Variants in ADAMTSL1 observed in about 807,000 individuals in gnomAD.
The protein encoded by ADAMTSL1 is ADAMTS like 1.
In ADAMTSL1, 126 loss-of-function variants were observed where a neutral mutation model predicts 201.8. That is an observed-to-expected ratio of 0.62 (90% CI 0.54 to 0.72). ADAMTSL1 has a LOEUF of 0.72. Ranked by LOEUF, ADAMTSL1 falls within the 30% of genes least tolerant of loss-of-function variation. ADAMTSL1 has a pLI of 0.00. For synonymous variants in ADAMTSL1, 1,121 were observed against 903.4 expected (o/e 1.24, Z -4.32); for missense variants, 2,679 against 2,277.8 (o/e 1.18, Z -3.59).
At chr9:18,172,581 A>G (rs1214588940) in intron 2 of ADAMTSL1, among the ~76,000 whole-genome samples, 12 of 152,194 alleles carry the variant, frequency 7.9e-5, no homozygotes, top group African/African-American at 2.9e-4. Flanking sequence ...GGCAGTGTCT[A>G]TAAGGTTGAA....
chr9:18,025,064 T>A (rs552681663), intron 1 of ADAMTSL1, among the ~76,000 whole-genome samples: 1 of 152,148 alleles, frequency 6.6e-6, no homozygotes, highest in Non-Finnish European at 1.5e-5. Context: ...CTGTATGTCT[T>A]CTTTTAAGAA....
chr9:18,088,221 C>G (rs1385491895), intron 1 of ADAMTSL1, among the ~76,000 whole-genome samples: 2 of 152,094 alleles, frequency 1.3e-5, no homozygotes, highest in East Asian at 1.9e-4. Context: ...AATTGTATCT[C>G]TATCTTCATA....
At chr9:18,892,262 G>C in intron 25 of ADAMTSL1, 127 bp from the exon 26 acceptor site, 2 of 860,328 alleles carry the variant, frequency 2.3e-6, no homozygotes, top group Non-Finnish European at 3.5e-6. Context: ...ATCTTTCCAA[G>C]TAAATACTGT....
intron 1 of ADAMTSL1, among the ~76,000 whole-genome samples, chr9:18,491,141 A>G (rs973697128): frequency 6.6e-6 from 1 of 152,168 alleles, no homozygotes; most frequent in Admixed American, 6.5e-5. Context: ...AGAGACAGAG[A>G]GGCTGTGAGG....
chr9:17,980,284 A>G (rs1275979417), intron 1 of ADAMTSL1, among the ~76,000 whole-genome samples: 4 of 152,162 alleles, frequency 2.6e-5, no homozygotes, highest in South Asian at 2.1e-4. Flanking sequence ...GATGTGTGTC[A>G]GAAATTCCTA....
intron 1 of ADAMTSL1, among the ~76,000 whole-genome samples, chr9:18,501,236 C>T (rs1042994197): frequency 2.2e-4 from 33 of 152,090 alleles, no homozygotes; most frequent in African/African-American, 7.5e-4. Flanking sequence ...TGGGGCCGAG[C>T]GTGATGGCTC....
At chr9:18,885,648 T>C (rs1366791138) in intron 23 of ADAMTSL1, among the ~76,000 whole-genome samples, 2 of 152,134 alleles carry the variant, frequency 1.3e-5, no homozygotes, top group Non-Finnish European at 2.9e-5. Flanking sequence ...CTACATCCCA[T>C]ACTGAGCTTC....
At chr9:18,648,643 A>G (rs976830770) in intron 7 of ADAMTSL1, among the ~76,000 whole-genome samples, 3 of 151,722 alleles carry the variant, frequency 2.0e-5, no homozygotes, top group Non-Finnish European at 2.9e-5. Context: ...TCCTTCACTG[A>G]TGAAGCTTAG....
intron 2 of ADAMTSL1, among the ~76,000 whole-genome samples, chr9:18,249,520 T>C (rs1831385564): frequency 6.6e-6 from 1 of 152,186 alleles, no homozygotes. Flanking sequence ...CAAATCTTAC[T>C]ATTTACCATA....
At chr9:18,116,537 T>G (rs529057840) in intron 1 of ADAMTSL1, among the ~76,000 whole-genome samples, 38 of 152,308 alleles carry the variant, frequency 2.5e-4, no homozygotes, top group Non-Finnish European at 5.3e-4. Context: ...CACTGTGTTA[T>G]GAAATCTCCC....
intron 2 of ADAMTSL1, among the ~76,000 whole-genome samples, chr9:18,218,542 C>A (rs1044921824): frequency 6.6e-5 from 10 of 152,128 alleles, no homozygotes; most frequent in African/African-American, 2.2e-4. Flanking sequence ...TGCTGGAGAA[C>A]TTCATGCTTG....
intron 2 of ADAMTSL1, among the ~76,000 whole-genome samples, chr9:18,169,204 C>T (rs1271225011): frequency 2.6e-5 from 4 of 151,776 alleles, no homozygotes; most frequent in African/African-American, 7.3e-5. Context: ...CTTGCCCATG[C>T]CTATGTCCTG....
intron 2 of ADAMTSL1, among the ~76,000 whole-genome samples, chr9:18,344,668 T>A (rs1835621170): frequency 6.6e-6 from 1 of 152,116 alleles, no homozygotes; most frequent in East Asian, 1.9e-4. Flanking sequence ...AGTGTTCCCT[T>A]TGGCCATTAA....
intron 1 of ADAMTSL1, among the ~76,000 whole-genome samples, chr9:18,503,685 A>G (rs560566913): frequency 6.6e-5 from 10 of 152,206 alleles, no homozygotes; most frequent in African/African-American, 2.2e-4. Context: ...GTAGATCCAC[A>G]GTTCCTGCTC....
Position 18,880,790 on chromosome 9 carries a change from ATTGAC to A in ADAMTSL1, c.4250-7038_4250-7034del, listed in dbSNP as rs900927173. Among the ~76,000 whole-genome samples the A allele has an allele frequency of 9.2e-5, 14 of 152,334 alleles. 1 individual carries two copies. The highest frequency in any genetic ancestry group is 3.1e-4 in the African/African-American group (13 of 41,578). On this transcript the variant is annotated intron_variant, in intron 23 of 28. Transcript: ENST00000380548. ...GTCCTTTGAAGCTTTGAAGCCAGGT[ATTGAC>A]TTCTCTCTAGTTATCAAGCTCCTAG...
chr9:18,451,111 C>T (rs1207601552), intron 2 of ADAMTSL1, among the ~76,000 whole-genome samples: 2 of 152,086 alleles, frequency 1.3e-5, no homozygotes, highest in East Asian at 1.9e-4. Flanking sequence ...GGATAGGAAG[C>T]CATCAGCACA....
At chr9:18,461,824 A>G (rs140909154) in intron 2 of ADAMTSL1, among the ~76,000 whole-genome samples, 1 of 152,182 alleles carries the variant, frequency 6.6e-6, no homozygotes, top group South Asian at 2.1e-4. Flanking sequence ...TTAGAAGATA[A>G]ATAGTTATCC....
chr9:18,158,723 A>G (rs986312717), intron 1 of ADAMTSL1, among the ~76,000 whole-genome samples: 8 of 151,978 alleles, frequency 5.3e-5, no homozygotes, highest in South Asian at 2.1e-4. Context: ...GAGTATGCCC[A>G]TTTCTGACTT....
chr9:17,960,774 TA>T (rs1217788360), intron 1 of ADAMTSL1, among the ~76,000 whole-genome samples: 1 of 152,210 alleles, frequency 6.6e-6, no homozygotes, highest in Non-Finnish European at 1.5e-5. Flanking sequence ...ACTTATACTT[TA>T]TAGATTTCAT....
Sources: gnomAD v4.1 joint callset for allele counts (sites outside exome capture counted in the v4.1 genomes callset) on GRCh38, gnomAD v4.1.1 for gene constraint, MANE v1.5 for transcripts, NCBI Gene and HGNC (gene_info 2026-07-23, HGNC 2026-07-21) for gene names.